The following WFDC1 variants were observed in gnomAD, a reference collection of about 807,000 sequenced individuals.
The protein encoded by WFDC1 is WAP four-disulfide core domain protein 1.
Under a neutral mutation model 32.9 loss-of-function variants are expected in WFDC1, and 39 were observed. That is an observed-to-expected ratio of 1.19 (90% CI 0.92 to 1.55). WFDC1 has a LOEUF of 1.55. Among genes scored for constraint, WFDC1 ranks in the 40% most tolerant of loss-of-function variants. WFDC1 has a pLI of 0.00. For synonymous variants in WFDC1, 184 were observed against 137.4 expected, an observed-to-expected ratio of 1.34 and a Z score of -2.37; for missense variants, 386 against 309.5, an observed-to-expected ratio of 1.25 and a Z score of -1.85.
chr16:84,318,794 C>A (rs1908115952), intron 3 of WFDC1: 1 of 221,776 alleles, frequency 4.5e-6, no homozygotes, highest in African/African-American at 2.2e-5. Flanking sequence ...CACCCTTGCA[C>A]ACCTGCGGCT....
intron 1 of WFDC1, among the ~76,000 whole-genome samples, chr16:84,308,586 G>C (rs1236998810): frequency 6.6e-6 from 1 of 152,270 alleles, no homozygotes; most frequent in African/African-American, 2.4e-5. Flanking sequence ...ACCAGCACGT[G>C]CCAATGATGA....
At chr16:84,295,434 A>C in intron 1 of WFDC1, 1 of 485,582 alleles carries the variant, frequency 2.1e-6, no homozygotes, top group Non-Finnish European at 3.6e-6. Flanking sequence ...CAGGATTTAA[A>C]CGGAGCATTC....
chr16:84,328,287 G>C (rs1453139037), intron 6 of WFDC1: 1 of 152,284 alleles, frequency 6.6e-6, no homozygotes, highest in African/African-American at 2.4e-5. Context: ...TTGCCCTCAC[G>C]TGCCCTCAAA....
chr16:84,303,192 C>T (rs1196393885), intron 1 of WFDC1, among the ~76,000 whole-genome samples: 2 of 151,956 alleles, frequency 1.3e-5, no homozygotes, highest in African/African-American at 2.4e-5. Context: ...AGATGTTTGA[C>T]GTCCAAATTC....
chr16:84,320,688 G>A (rs1908255461), intron 4 of WFDC1, among the ~76,000 whole-genome samples: 1 of 152,156 alleles, frequency 6.6e-6, no homozygotes, highest in South Asian at 2.1e-4. Flanking sequence ...GGGTGGCCAG[G>A]TTCACCTTGT....
rs1383635158 is a variant in WFDC1, at chr16:84,317,305, TAAATAAATA to T, written c.338-964_338-956del. ...AAGACTCTGTCTCAAAATAAATAAA[TAAATAAATA>T]AATAAATAAATAAATAAATAAATAA... On this transcript the variant is annotated intron_variant, in intron 2 of 6. Transcript: ENST00000219454. The T allele has an allele frequency of 1.4e-4, 10 of 72,434 alleles. No individual in the cohort carries two copies. In the Admixed American group the frequency reaches 1.4e-3, roughly 10 times the overall value. The allele number at this position is 72,434 out of a possible 1,614,324, so 4.5% of individuals were successfully genotyped here. A position where few individuals can be genotyped will look rare whatever the true frequency, so the allele number is the denominator to read the frequency against.
chr16:84,305,652 G>A (rs1907206864), intron 1 of WFDC1, among the ~76,000 whole-genome samples: 1 of 152,114 alleles, frequency 6.6e-6, no homozygotes. Flanking sequence ...AAGAAAGACT[G>A]GAAGATATGA....
At chr16:84,303,932 T>C (rs1907094574) in intron 1 of WFDC1, among the ~76,000 whole-genome samples, 1 of 152,230 alleles carries the variant, frequency 6.6e-6, no homozygotes, top group African/African-American at 2.4e-5. Flanking sequence ...TATGTGCTAT[T>C]TGGTGTCTGG....
At chr16:84,310,481 C>T (rs1907545748) in intron 1 of WFDC1, among the ~76,000 whole-genome samples, 1 of 151,792 alleles carries the variant, frequency 6.6e-6, no homozygotes, top group Non-Finnish European at 1.5e-5. Context: ...TGGAGACTGC[C>T]TTTAAATTGA....
chr16:84,302,369 T>C (rs1293188359), intron 1 of WFDC1, among the ~76,000 whole-genome samples: 1 of 152,186 alleles, frequency 6.6e-6, no homozygotes, highest in East Asian at 1.9e-4. Flanking sequence ...TTGCATGTTA[T>C]ATATATTTTA....
At chr16:84,311,133 G>T (rs1246548537) in intron 1 of WFDC1, among the ~76,000 whole-genome samples, 1 of 152,146 alleles carries the variant, frequency 6.6e-6, no homozygotes, top group African/African-American at 2.4e-5. Flanking sequence ...GGAGTCTGGT[G>T]TCAGGGGACC....
chr16:84,304,091 C>T (rs1482199357), intron 1 of WFDC1, among the ~76,000 whole-genome samples: 1 of 152,208 alleles, frequency 6.6e-6, no homozygotes. Flanking sequence ...GTTGCACATC[C>T]AGCTTGTTTG....
intron 1 of WFDC1, among the ~76,000 whole-genome samples, chr16:84,308,521 G>C (rs1044772146): frequency 8.5e-5 from 13 of 152,348 alleles, no homozygotes; most frequent in South Asian, 2.1e-4. Flanking sequence ...TTTAAGCTGA[G>C]GACTAAAGGG....
rs1328544137 is a variant in WFDC1, at chr16:84,329,528, TA to T, written c.*223del. ...ACTTAACAGCTCTGGGTCCCTGTTT[TA>T]CCATCCTGGGAGCAAGGCCCTGCAG... is the stretch of plus-strand genomic sequence containing the variant. On this transcript the variant is annotated 3_prime_UTR_variant, in exon 7 of 7. Coordinates refer to ENST00000219454, the MANE Select transcript of WFDC1 (RefSeq NM_021197.4). 1 of 152,034 alleles carries T rather than the reference TA, an allele frequency of 6.6e-6. No homozygotes were observed. The highest frequency in any genetic ancestry group is 1.5e-5 in the Non-Finnish European group (1 of 67,994). The allele number at this position is 152,034 out of a possible 1,614,324, so 9.4% of individuals were successfully genotyped here.
chr16:84,326,540 A>G (rs1030796952), intron 5 of WFDC1: 11 of 253,800 alleles, frequency 4.3e-5, no homozygotes, highest in Non-Finnish European at 6.2e-5. Flanking sequence ...AGGAGGAGAC[A>G]TGAAAGCTCA....
chr16:84,321,459 G>A lies in WFDC1; in HGVS notation c.562+1888G>A, dbSNP rs547538355. 1.1e-4 allele frequency among the ~76,000 whole-genome samples: 16 copies of A among 152,324 alleles called. No individual in the cohort carries two copies. The South Asian group carries it at 1.7e-3, about 16-fold the overall frequency. On this transcript the variant is annotated intron_variant, in intron 4 of 6. Coordinates refer to ENST00000219454, the MANE Select transcript of WFDC1 (RefSeq NM_021197.4). ...CTTTTCCAAAAGAGAGCTGTGGGGC[G>A]AGTTGTGAGTTCGTTGGGCTATGCC... is the stretch of plus-strand genomic sequence containing the variant.
rs979023090 is a variant in WFDC1 at position 84,312,780 on chromosome 16, A to G, written c.145-181A>G. Among the ~76,000 whole-genome samples the G allele has an allele frequency of 2.0e-5, 3 of 152,126 alleles. 1 individual carries two copies. Among genetic ancestry groups the G allele is most frequent in the South Asian group, 4.1e-4 (2 of 4,828 alleles). On this transcript the variant is annotated intron_variant, in intron 1 of 6. Coordinates refer to ENST00000219454, the MANE Select transcript of WFDC1 (RefSeq NM_021197.4). The stretch of plus-strand genomic sequence containing the variant: ...CGTGCCGACTGTTATAAAAAGATAC[A>G]TGGTATCTTCTGACCTTCTGAGCCG...
intron 2 of WFDC1, among the ~76,000 whole-genome samples, chr16:84,315,903 G>C (rs571240862): frequency 1.3e-5 from 2 of 152,296 alleles, no homozygotes; most frequent in African/African-American, 4.8e-5. Flanking sequence ...GGTGATCCCA[G>C]GTAGTTCCAG....
chr16:84,322,160 C>CGTGTGTGTGTGTGT (rs10687228), intron 4 of WFDC1, among the ~76,000 whole-genome samples: 4,163 of 142,222 alleles, frequency 0.029, 90 homozygotes, highest in African/African-American at 0.037. Context: ...TGTGTGTGTG[C>CGTGTGTGTGTGTGT]GTGTGTGTGT....
Sources: gnomAD v4.1 joint callset for allele counts (sites outside exome capture counted in the v4.1 genomes callset) on GRCh38, gnomAD v4.1.1 for gene constraint, MANE v1.5 for transcripts, NCBI Gene and HGNC (gene_info 2026-07-23, HGNC 2026-07-21) for gene names.